Variants in SUGCT observed in about 807,000 individuals in gnomAD.
SUGCT encodes the protein succinyl-CoA:glutarate CoA-transferase.
A neutral mutation model predicts 55.0 loss-of-function variants in SUGCT; 41 were observed. The ratio of observed to expected loss-of-function variants is 0.74; its 90% CI spans 0.58 to 0.97. SUGCT has a LOEUF of 0.97. SUGCT is among the 50% of genes least tolerant of loss of function. SUGCT has a pLI of 0.00. For synonymous variants in SUGCT, 187 were observed against 200.4 expected, an observed-to-expected ratio of 0.93 and a Z score of 0.56; for missense variants, 568 against 547.8, an observed-to-expected ratio of 1.04 and a Z score of -0.37.
intron 9 of SUGCT, among the ~76,000 whole-genome samples, chr7:40,442,476 G>C (rs1370106538): frequency 6.6e-6 from 1 of 152,002 alleles, no homozygotes; most frequent in African/African-American, 2.4e-5. Flanking sequence ...ATGATATCAT[G>C]CAGTTTTTTT....
At chr7:40,610,738 C>T (rs1798730570) in intron 12 of SUGCT, among the ~76,000 whole-genome samples, 1 of 152,146 alleles carries the variant, frequency 6.6e-6, no homozygotes, top group African/African-American at 2.4e-5. Flanking sequence ...TCTGGACTGC[C>T]CTTGGAATCC....
At chr7:40,593,678 A>G (rs1349960278) in intron 12 of SUGCT, among the ~76,000 whole-genome samples, 1 of 152,100 alleles carries the variant, frequency 6.6e-6, no homozygotes, top group Admixed American at 6.5e-5. Context: ...CATCTCTACT[A>G]AAAATACAAA....
chr7:40,498,124 C>T (rs921014745), intron 12 of SUGCT, among the ~76,000 whole-genome samples: 6 of 152,066 alleles, frequency 3.9e-5, no homozygotes, highest in Non-Finnish European at 5.9e-5. Context: ...TAGCCAGTTT[C>T]CAAAATGGAG....
At chr7:40,278,668 C>A (rs909048104) in intron 8 of SUGCT, among the ~76,000 whole-genome samples, 4 of 151,964 alleles carry the variant, frequency 2.6e-5, no homozygotes, top group African/African-American at 9.7e-5. Flanking sequence ...CCTTCTCTAG[C>A]CTGGACATCT....
chr7:40,157,188 T>A (rs1479075996), intron 1 of SUGCT, among the ~76,000 whole-genome samples: 1 of 152,006 alleles, frequency 6.6e-6, no homozygotes, highest in Admixed American at 6.6e-5. Flanking sequence ...GTAACGCTTA[T>A]CTTACCTTCT....
At chr7:40,623,998 G>T (rs1487253345) in intron 12 of SUGCT, among the ~76,000 whole-genome samples, 3 of 152,318 alleles carry the variant, frequency 2.0e-5, no homozygotes, top group Middle Eastern at 3.4e-3. Context: ...ACCAAGAAGG[G>T]TCAGTATGTG....
the SUGCT span, among the ~76,000 whole-genome samples, chr7:41,026,213 C>T: frequency 6.6e-6 from 1 of 152,200 alleles, no homozygotes; most frequent in Non-Finnish European, 1.5e-5. Flanking sequence ...CTGGGCCTCC[C>T]ATATTATGTA....
intron 7 of SUGCT, among the ~76,000 whole-genome samples, chr7:40,257,995 C>T (rs1251656341): frequency 6.6e-6 from 1 of 152,212 alleles, no homozygotes; most frequent in African/African-American, 2.4e-5. Context: ...TCTCCACTTT[C>T]TGCAAACACT....
At chr7:40,323,933 C>G (rs113031121) in intron 9 of SUGCT, among the ~76,000 whole-genome samples, 1 of 152,018 alleles carries the variant, frequency 6.6e-6, no homozygotes, top group South Asian at 2.1e-4. Flanking sequence ...ATTTTCTCCC[C>G]CTCTGAGATG....
chr7:40,424,055 C>G (rs1198659209), intron 9 of SUGCT, among the ~76,000 whole-genome samples: 1 of 152,106 alleles, frequency 6.6e-6, no homozygotes, highest in Non-Finnish European at 1.5e-5. Context: ...ATCTATCATA[C>G]TTTCCCCTGT....
intron 10 of SUGCT, among the ~76,000 whole-genome samples, chr7:40,453,585 C>T (rs1318820896): frequency 1.3e-5 from 2 of 152,186 alleles, no homozygotes; most frequent in African/African-American, 2.4e-5. Context: ...ATTCAAATAA[C>T]ACTGCAAAGG....
chr7:40,770,845 A>G (rs1451722068), intron 13 of SUGCT, among the ~76,000 whole-genome samples: 1 of 152,132 alleles, frequency 6.6e-6, no homozygotes, highest in African/African-American at 2.4e-5. Context: ...TCCTGTGAAT[A>G]CCTTCACTCA....
chr7:40,682,680 G>A (rs1318038669), intron 12 of SUGCT, among the ~76,000 whole-genome samples: 1 of 151,878 alleles, frequency 6.6e-6, no homozygotes, highest in African/African-American at 2.4e-5. Flanking sequence ...TTTTTTCTAT[G>A]TCTATTAAGG....
At chr7:40,323,333 G>C (rs1795849087) in intron 9 of SUGCT, among the ~76,000 whole-genome samples, 1 of 152,152 alleles carries the variant, frequency 6.6e-6, no homozygotes, top group Non-Finnish European at 1.5e-5. Flanking sequence ...TTAAGATGCA[G>C]ATTCTGTTTC....
At chr7:40,862,862 C>G (rs1794519429), downstream of SUGCT, among the ~76,000 whole-genome samples, 1 of 151,762 alleles carries the variant, frequency 6.6e-6, no homozygotes. Flanking sequence ...TATTGATCAA[C>G]TTTGTGTGAC....
At chr7:40,479,815 T>G (rs1790922702) in intron 11 of SUGCT, among the ~76,000 whole-genome samples, 1 of 152,180 alleles carries the variant, frequency 6.6e-6, no homozygotes. Flanking sequence ...TTTGTACGTC[T>G]TCTTTTATGA....
chr7:40,355,326 A>G (rs996254244), intron 9 of SUGCT, among the ~76,000 whole-genome samples: 16 of 152,218 alleles, frequency 1.1e-4, no homozygotes, highest in Non-Finnish European at 2.4e-4. Flanking sequence ...GAGGTTCATC[A>G]TATCTCATTC....
At chr7:41,024,849 A>C in the SUGCT span, among the ~76,000 whole-genome samples, 2,377 of 152,272 alleles carry the variant, frequency 0.016, 64 homozygotes, top group African/African-American at 0.054. Context: ...AAATATATGC[A>C]CGAGAACCAT....
intron 7 of SUGCT, among the ~76,000 whole-genome samples, chr7:40,250,291 T>A (rs1344843086): frequency 6.6e-6 from 1 of 151,936 alleles, no homozygotes; most frequent in African/African-American, 2.4e-5. Context: ...TCCCAGCTAC[T>A]CTGGAGGCTA....
Sources: gnomAD v4.1 joint callset for allele counts (sites outside exome capture counted in the v4.1 genomes callset) on GRCh38, gnomAD v4.1.1 for gene constraint, MANE v1.5 for transcripts, NCBI Gene and HGNC (gene_info 2026-07-23, HGNC 2026-07-21) for gene names.